FBXO34: variants seen among roughly 807,000 people sequenced by gnomAD.
FBXO34 encodes F-box protein 34, also known as F-box only protein 34.
FBXO34 carries 12 observed loss-of-function variants against 24.5 expected under a neutral mutation model. The ratio of observed to expected loss-of-function variants is 0.49; its 90% CI spans 0.31 to 0.79. The LOEUF is 0.79. Among genes scored for constraint, FBXO34 ranks in the 30% least tolerant of loss-of-function variants. The pLI, the probability that FBXO34 is intolerant of heterozygous loss-of-function variation, is 0.04. For missense variants in FBXO34, 823 were observed against 857.7 expected, an observed-to-expected ratio of 0.96 and a Z score of 0.51; for synonymous variants, 320 against 311.9, an observed-to-expected ratio of 1.03 and a Z score of -0.27.
chr14:55,388,074 T>G, the FBXO34 span, among the ~76,000 whole-genome samples: 1 of 151,882 alleles, frequency 6.6e-6, no homozygotes, highest in Non-Finnish European at 1.5e-5. Context: ...GAGGTGAAGG[T>G]TGCAGTGAGC....
chr14:55,282,523 G>T, intron 1 of FBXO34: 1 of 231,890 alleles, frequency 4.3e-6, no homozygotes. Flanking sequence ...TGCCAATCTT[G>T]TGCCTTTCCC....
At chr14:55,344,072 A>G (rs531781743) in intron 1 of FBXO34, among the ~76,000 whole-genome samples, 36 of 152,264 alleles carry the variant, frequency 2.4e-4, no homozygotes, top group Middle Eastern at 3.4e-3. Flanking sequence ...TCACTATTCT[A>G]TCTCCCCATA....
intron 1 of FBXO34, among the ~76,000 whole-genome samples, chr14:55,278,179 C>A (rs913748082): frequency 6.6e-6 from 1 of 152,092 alleles, no homozygotes; most frequent in African/African-American, 2.4e-5. Flanking sequence ...CTTAGCATTG[C>A]CTATATGTAA....
intron 1 of FBXO34, among the ~76,000 whole-genome samples, chr14:55,323,184 CAAAAAAAAAAAAA>C (rs368380622): frequency 3.3e-4 from 4 of 12,166 alleles, no homozygotes; most frequent in African/African-American, 1.0e-3. Flanking sequence ...GACTCTGTCT[CAAAAAAAAAAAAA>C]AAAAAAAAAA....
chr14:55,337,880 G>C (rs936120660), intron 1 of FBXO34, among the ~76,000 whole-genome samples: 2 of 151,986 alleles, frequency 1.3e-5, no homozygotes, highest in Non-Finnish European at 2.9e-5. Flanking sequence ...GGGCCCTTCA[G>C]AATCTCCTTT....
chr14:55,380,273 C>CAAA, the FBXO34 span, among the ~76,000 whole-genome samples: 4 of 151,838 alleles, frequency 2.6e-5, no homozygotes, highest in South Asian at 8.4e-4. Flanking sequence ...ACAACAACAA[C>CAAA]AAATCAAAGA....
the FBXO34 span, chr14:55,435,974 A>G: frequency 7.4e-6 from 9 of 1,220,774 alleles, no homozygotes; most frequent in Non-Finnish European, 1.0e-5. Context: ...TATCAGATAT[A>G]AAGAGTAAAA....
the FBXO34 span, among the ~76,000 whole-genome samples, chr14:55,380,875 A>ATATATATATATATTTTTTTTTTTT: frequency 1.8e-5 from 2 of 112,732 alleles, no homozygotes; most frequent in Non-Finnish European, 1.7e-5. Context: ...ATATATATAT[A>ATATATATATATATTTTTTTTTTTT]TTTTTTTTTT....
chr14:55,281,991 C>CTTTTTTTTTTTTTTTTTTTTTTTTTTTTT (rs372305828), intron 1 of FBXO34, among the ~76,000 whole-genome samples: 1 of 65,162 alleles, frequency 1.5e-5, no homozygotes. Context: ...TTAAATTTAG[C>CTTTTTTTTTTTTTTTTTTTTTTTTTTTTT]TTTTTTTTTT....
At chr14:55,432,245 C>CAAAA in the FBXO34 span, among the ~76,000 whole-genome samples, 1 of 122,004 alleles carries the variant, frequency 8.2e-6, no homozygotes. Context: ...CCCGTCTCTA[C>CAAAA]AAAAAAAAAA....
chr14:55,301,361 C>T (rs1882348360), intron 1 of FBXO34, among the ~76,000 whole-genome samples: 1 of 151,454 alleles, frequency 6.6e-6, no homozygotes, highest in African/African-American at 2.4e-5. Context: ...CACCTGAGCC[C>T]AGGAGGTCAA....
intron 1 of FBXO34, among the ~76,000 whole-genome samples, chr14:55,315,085 A>G (rs1019072360): frequency 1.3e-5 from 2 of 152,188 alleles, no homozygotes; most frequent in Admixed American, 1.3e-4. Context: ...GGTATTTATA[A>G]CATTGCTTAG....
the FBXO34 span, among the ~76,000 whole-genome samples, chr14:55,380,099 T>C: frequency 6.6e-6 from 1 of 152,004 alleles, no homozygotes; most frequent in South Asian, 2.1e-4. Context: ...AATACAAAAA[T>C]TAGCCAGGCG....
At chr14:55,339,950 A>T (rs1883934301) in intron 1 of FBXO34, among the ~76,000 whole-genome samples, 1 of 152,192 alleles carries the variant, frequency 6.6e-6, no homozygotes, top group South Asian at 2.1e-4. Flanking sequence ...TTTGGTAAAC[A>T]CTATGGGGCC....
At chr14:55,436,544 CA>C in the FBXO34 span, 1 of 1,607,296 alleles carries the variant, frequency 6.2e-7, no homozygotes, top group South Asian at 1.1e-5. Flanking sequence ...TCAATTAAAA[CA>C]AAAATAAAAA....
At position 55,351,561 on chromosome 14, in the gene FBXO34, C is replaced by T. The variant is rs1345251564; in HGVS notation, c.1171C>T (p.Pro391Ser). 6.2e-7 allele frequency: 1 copy of T among 1,614,128 alleles called. No individual in the cohort carries two copies. Among genetic ancestry groups the T allele is most frequent in the Admixed American group, 1.7e-5 (1 of 60,020 alleles). ...SFHIDSAELE[P>S]GSQTAVKNSN... ...CCACATAGACAGTGCAGAGTTAGAGCCGGGTTCGCAAACTGCCGTGAAAAA... is the reference window on the plus strand; with the variant it reads ...CCACATAGACAGTGCAGAGTTAGAGTCGGGTTCGCAAACTGCCGTGAAAAA... The change falls in exon 2 of 2, where the codon CCG becomes TCG. Residue 391 changes from proline (P) to serine (S), a missense_variant. Transcript: ENST00000313833.
chr14:55,414,552 A>C, the FBXO34 span: 1 of 875,948 alleles, frequency 1.1e-6, no homozygotes, highest in Non-Finnish European at 1.7e-6. Context: ...ATTACTTTTA[A>C]TATGACATCT....
chr14:55,276,650 G>A (rs892885257), intron 1 of FBXO34, among the ~76,000 whole-genome samples: 2 of 152,078 alleles, frequency 1.3e-5, no homozygotes, highest in African/African-American at 2.4e-5. Context: ...GGGGGGTCTA[G>A]TTAAAACAAT....
At chr14:55,282,289 CG>C in intron 1 of FBXO34, 2 of 427,462 alleles carry the variant, frequency 4.7e-6, no homozygotes, top group South Asian at 1.7e-5. Flanking sequence ...CACCGCGCCC[CG>C]CCAAATTTAG....
Sources: gnomAD v4.1 joint callset for allele counts (sites outside exome capture counted in the v4.1 genomes callset) on GRCh38, gnomAD v4.1.1 for gene constraint, MANE v1.5 for transcripts, NCBI Gene and HGNC (gene_info 2026-07-23, HGNC 2026-07-21) for gene names.